CHD5: variants seen among roughly 807,000 people sequenced by gnomAD.
The protein encoded by CHD5 is ATP-dependent chromatin remodeler CHD5.
A neutral mutation model predicts 230.3 loss-of-function variants in CHD5; 69 were observed. That is an observed-to-expected ratio of 0.30 (90% CI 0.25 to 0.37). The LOEUF (loss-of-function observed/expected upper bound fraction) is 0.37. CHD5 is among the 10% of genes least tolerant of loss of function. The probability of loss-of-function intolerance (pLI) is 1.00; values close to 1 mark genes in which losing one functional copy is unlikely to be tolerated. For synonymous variants in CHD5, 1,064 were observed against 1,065.9 expected, an observed-to-expected ratio of 1.00 and a Z score of 0.03; for missense variants, 1,827 against 2,622.8, an observed-to-expected ratio of 0.70 and a Z score of 6.63.
chr1:6,118,554 G>T (rs1666413412), intron 33 of CHD5, among the ~76,000 whole-genome samples: 1 of 152,136 alleles, frequency 6.6e-6, no homozygotes, highest in African/African-American at 2.4e-5. Flanking sequence ...GATTGCCAGG[G>T]GCTGGGAGGA....
intron 3 of CHD5, among the ~76,000 whole-genome samples, chr1:6,158,938 C>A (rs531201194): frequency 7.6e-6 from 1 of 131,002 alleles, no homozygotes; most frequent in Admixed American, 7.9e-5. Flanking sequence ...ACCCGGGAGG[C>A]GAAGCTTGCA....
intron 33 of CHD5, among the ~76,000 whole-genome samples, chr1:6,117,950 ACTGAAAAC>A (rs1327264296): frequency 6.6e-6 from 1 of 152,190 alleles, no homozygotes; most frequent in Non-Finnish European, 1.5e-5. Context: ...ACCCAAAAGA[ACTGAAAAC>A]CTAGACTCAC....
At position 6,180,233 on chromosome 1, in the gene CHD5, A is replaced by C; in HGVS notation, c.-210T>G. 3 of 151,250 alleles carry C rather than the reference A, an allele frequency of 2.0e-5. No homozygotes were observed. Among genetic ancestry groups the C allele is most frequent in the East Asian group, 1.8e-4 (1 of 5,514 alleles). The allele number at this position is 151,250 out of a possible 1,614,324, so 9.4% of individuals were successfully genotyped here. On this transcript the variant is annotated 5_prime_UTR_variant, in exon 1 of 42. Coordinates refer to ENST00000262450, the MANE Select transcript of CHD5 (RefSeq NM_015557.3). The stretch of plus-strand genomic sequence containing the variant: ...GGCCGCCTTAGCCTGCTCCCCGCAA[A>C]GCCCGGGCGCTCCTCCCACCGCGCC...
chr1:6,122,121 C>A (rs1246212860), intron 31 of CHD5, among the ~76,000 whole-genome samples: 1 of 152,194 alleles, frequency 6.6e-6, no homozygotes, highest in Admixed American at 6.5e-5. Flanking sequence ...AAGAAGCAAA[C>A]CAAGATGTGT....
chr1:6,173,405 A>C (rs1460444001), intron 1 of CHD5, among the ~76,000 whole-genome samples: 2 of 151,892 alleles, frequency 1.3e-5, no homozygotes, highest in African/African-American at 4.8e-5. Context: ...CGCCCGGCCG[A>C]GAGGGGCTAT....
chr1:6,150,978 T>G, intron 7 of CHD5, 54 bp downstream of exon 7: 1 of 1,452,064 alleles, frequency 6.9e-7, no homozygotes, highest in Non-Finnish European at 9.2e-7. Flanking sequence ...GTCCTACTCG[T>G]GCCCCACTAC....
chr1:6,168,368 C>A, intron 1 of CHD5, 91 bp from the exon 2 acceptor site: 1 of 1,443,752 alleles, frequency 6.9e-7, no homozygotes. Context: ...AAGCTGGGAC[C>A]CCCAGACACC....
In CHD5 at chr1:6,106,261, A is replaced by G; in HGVS notation, c.*19T>C. 1 of 1,612,788 alleles carries G rather than the reference A, an allele frequency of 6.2e-7. No individual in the cohort carries two copies. The highest frequency in any genetic ancestry group is 8.5e-7 in the Non-Finnish European group (1 of 1,179,966). ...CAGCTGGAAATGAGCGCTGCAACAC[A>G]GGGAAGTCTCGAGGACGGCTAGATA... On this transcript the variant is annotated 3_prime_UTR_variant, in exon 41 of 42. Coordinates refer to ENST00000262450, the MANE Select transcript of CHD5 (RefSeq NM_015557.3).
Position 6,122,011 on chromosome 1 carries a change from C to T in CHD5, c.4700-438G>A, listed in dbSNP as rs376679134. Among the ~76,000 whole-genome samples, 22 of 152,340 alleles carry T rather than the reference C, an allele frequency of 1.4e-4. No individual in the cohort carries two copies. The East Asian group carries it at 3.9e-3, about 27-fold the overall frequency. ...CACTGCAAAGTGCTGGTCACTTACA[C>T]AGCTCTGAGAAGCCCCGGGAGGTGG... is the stretch of plus-strand genomic sequence containing the variant. On this transcript the variant is annotated intron_variant, in intron 31 of 41. Coordinates refer to ENST00000262450, the MANE Select transcript of CHD5 (RefSeq NM_015557.3).
At position 6,155,523 on chromosome 1, in the gene CHD5, C is replaced by T; in HGVS notation, c.506+76G>A. ...CCCTACCCCAGGTGCCGGGGCTTCA[C>T]TCCTCTGCCTCCCTCCCGACTTGGT... On this transcript the variant is annotated intron_variant, in intron 4 of 41. Coordinates refer to ENST00000262450, the MANE Select transcript of CHD5 (RefSeq NM_015557.3). The surrounding 1 kb of genome is among the most constrained non-coding windows in gnomAD (Gnocchi z 4.0). 7 of 1,319,984 alleles carry T rather than the reference C, an allele frequency of 5.3e-6. No individual in the cohort carries two copies. Among genetic ancestry groups the T allele is most frequent in the South Asian group, 3.6e-5 (3 of 83,344 alleles). 81.8% of individuals were successfully genotyped at this position (1,319,984 alleles called of 1,614,324 possible).
intron 11 of CHD5, among the ~76,000 whole-genome samples, chr1:6,144,856 A>C (rs921063854): frequency 1.3e-5 from 2 of 152,250 alleles, no homozygotes; most frequent in African/African-American, 4.8e-5. Flanking sequence ...GGGAACATTA[A>C]GAGAAAAACC....
intron 20 of CHD5, among the ~76,000 whole-genome samples, chr1:6,133,070 A>C (rs1666683807): frequency 6.6e-6 from 1 of 151,842 alleles, no homozygotes; most frequent in Non-Finnish European, 1.5e-5. Context: ...CTATTTTCTT[A>C]TTTGGATTCT....
At chr1:6,111,976 G>T in intron 35 of CHD5, 93 bp from the exon 36 acceptor site, 1 of 1,385,170 alleles carries the variant, frequency 7.2e-7, no homozygotes, top group Non-Finnish European at 1.0e-6. Context: ...ACTTGCCACT[G>T]CCTCCACCCC....
chr1:6,172,936 G>T (rs1366386113), intron 1 of CHD5, among the ~76,000 whole-genome samples: 1 of 152,046 alleles, frequency 6.6e-6, no homozygotes, highest in Non-Finnish European at 1.5e-5. Context: ...CGTGACTGTG[G>T]AGCGAAAGTT....
chr1:6,125,056 A>T lies in CHD5; in HGVS notation c.4394+44T>A, dbSNP rs764533677. The T allele has an allele frequency of 1.5e-5, 22 of 1,502,852 alleles. No homozygotes were observed. Among genetic ancestry groups the T allele is most frequent in the Non-Finnish European group, 1.9e-5 (21 of 1,118,404 alleles). 93.1% of individuals were successfully genotyped at this position (1,502,852 alleles called of 1,614,324 possible). On this transcript the variant is annotated intron_variant, in intron 29 of 41. Transcript: ENST00000262450. The surrounding 1 kb of genome is among the most constrained non-coding windows in gnomAD (Gnocchi z 6.7). ...TCACCCGCAGGACCCTGCCCTACTCAGGGGCAGGTGGTCACACCCTGGGCC... is the reference window on the plus strand; with the variant it reads ...TCACCCGCAGGACCCTGCCCTACTCTGGGGCAGGTGGTCACACCCTGGGCC...
chr1:6,129,167 T>C lies in CHD5; in HGVS notation c.3388-98A>G. On this transcript the variant is annotated intron_variant, in intron 22 of 41. Transcript: ENST00000262450. The surrounding 1 kb of genome is among the most constrained non-coding windows in gnomAD (Gnocchi z 6.8). ...GCTCAAGAGCATGGAATGGGCTGCA[T>C]GACTGTGTAGGGAAAGGCGTGTGGT... is the stretch of plus-strand genomic sequence containing the variant. 1.2e-6 allele frequency: 1 copy of C among 824,504 alleles called. No individual in the cohort carries two copies. 51.1% of individuals were successfully genotyped at this position (824,504 alleles called of 1,614,324 possible).
chr1:6,128,742 G>A lies in CHD5; in HGVS notation c.3619+96C>T. The A allele has an allele frequency of 3.1e-6, 4 of 1,271,244 alleles. 1 individual carries two copies. In the Admixed American group the frequency reaches 7.3e-5, roughly 23 times the overall value. 78.7% of individuals were successfully genotyped at this position (1,271,244 alleles called of 1,614,324 possible). A position where few individuals can be genotyped will look rare whatever the true frequency, so the allele number is the denominator to read the frequency against. The stretch of plus-strand genomic sequence containing the variant: ...GTGGGGGGTGCAGAAGAGAGGCTGT[G>A]TGTTGGAGCGGGCAGGGACCCAAGC... On this transcript the variant is annotated intron_variant, in intron 23 of 41. Coordinates refer to ENST00000262450, the MANE Select transcript of CHD5 (RefSeq NM_015557.3). The surrounding 1 kb of genome is among the most constrained non-coding windows in gnomAD (Gnocchi z 7.8).
rs990426155 is a variant in CHD5 at position 6,110,006 on chromosome 1, A to G, written c.5383-16T>C. On this transcript the variant is annotated splice_polypyrimidine_tract_variant and intron_variant, in intron 37 of 41. Coordinates refer to ENST00000262450, the MANE Select transcript of CHD5 (RefSeq NM_015557.3). ...GCTCCAGCAGCTGGGGGCGGGGCGCAGCGTCGGCCCGGCCCCTCCCGCTGA... is the reference window on the plus strand; with the variant it reads ...GCTCCAGCAGCTGGGGGCGGGGCGCGGCGTCGGCCCGGCCCCTCCCGCTGA... 8 of 1,514,758 alleles carry G rather than the reference A, an allele frequency of 5.3e-6. No individual in the cohort carries two copies. The highest frequency in any genetic ancestry group is 1.4e-5 in the African/African-American group (1 of 71,596). The allele number at this position is 1,514,758 out of a possible 1,614,324, so 93.8% of individuals were successfully genotyped here.
chr1:6,134,996 G>C lies in CHD5; in HGVS notation c.2871-137C>G. 1 of 1,187,094 alleles carries C rather than the reference G, an allele frequency of 8.4e-7. No individual in the cohort carries two copies. The highest frequency in any genetic ancestry group is 1.4e-5 in the South Asian group (1 of 69,724). The allele number at this position is 1,187,094 out of a possible 1,614,324, so 73.5% of individuals were successfully genotyped here. ...ACCCAAGGGACCCCCAAGAGGTGAA[G>C]CCACCGGCCTGGAGTCCCCCTGCAA... On this transcript the variant is annotated intron_variant, in intron 18 of 41. Coordinates refer to ENST00000262450, the MANE Select transcript of CHD5 (RefSeq NM_015557.3). This position sits in a 1 kb window ranked among gnomAD's most constrained non-coding sequence, Gnocchi z 6.3.
Sources: gnomAD v4.1 joint callset for allele counts (sites outside exome capture counted in the v4.1 genomes callset) on GRCh38, gnomAD v4.1.1 for gene constraint, Gnocchi (gnomAD v3.1) non-coding constraint, MANE v1.5 for transcripts, NCBI Gene and HGNC (gene_info 2026-07-23, HGNC 2026-07-21) for gene names.